Variants in APBA1 observed in about 807,000 individuals in gnomAD.
APBA1 encodes amyloid beta precursor protein binding family A member 1.
A neutral mutation model predicts 86.6 loss-of-function variants in APBA1; 55 were observed. The ratio of observed to expected loss-of-function variants is 0.64; its 90% CI spans 0.51 to 0.80. APBA1 has a LOEUF of 0.80. Among genes scored for constraint, APBA1 ranks in the 30% least tolerant of loss-of-function variants. APBA1 has a pLI of 0.00. For missense variants in APBA1, 1,090 were observed against 1,183.0 expected (o/e 0.92, Z 1.15); for synonymous variants, 511 against 493.9 (o/e 1.03, Z -0.46).
intron 1 of APBA1, among the ~76,000 whole-genome samples, chr9:69,534,277 C>T (rs1216161789): frequency 6.6e-6 from 1 of 152,116 alleles, no homozygotes; most frequent in Non-Finnish European, 1.5e-5. Flanking sequence ...TTGAAGCTCA[C>T]CCTTCACAAT....
intron 2 of APBA1, among the ~76,000 whole-genome samples, chr9:69,494,821 AACAGTCATAGTGACCATTT>A (rs1835770531): frequency 6.6e-6 from 1 of 152,166 alleles, no homozygotes; most frequent in Non-Finnish European, 1.5e-5. Context: ...ACCTGCTAAG[AACAGTCATAGTGACCATTT>A]ACAGAAGGCT....
chr9:69,519,556 TAATA>T (rs1359414944), intron 1 of APBA1, among the ~76,000 whole-genome samples: 2 of 152,238 alleles, frequency 1.3e-5, no homozygotes, highest in Non-Finnish European at 2.9e-5. Context: ...AATCTAATTC[TAATA>T]AACACAAAGT....
chr9:69,439,398 G>A (rs563836739), intron 11 of APBA1, among the ~76,000 whole-genome samples: 6,211 of 151,960 alleles, frequency 0.041, 170 homozygotes, highest in Non-Finnish European at 0.054. Context: ...CATTCTCCCC[G>A]TCACTTTCAG....
At chr9:69,558,561 C>CACATATAT (rs1554701130) in intron 1 of APBA1, among the ~76,000 whole-genome samples, 99 of 142,860 alleles carry the variant, frequency 6.9e-4, no homozygotes, top group African/African-American at 2.7e-3. Context: ...CACACACACA[C>CACATATAT]ATATATATAT....
chr9:69,563,381 G>A (rs759102174), intron 1 of APBA1, among the ~76,000 whole-genome samples: 15 of 152,048 alleles, frequency 9.9e-5, no homozygotes, highest in Admixed American at 8.5e-4. Context: ...CTTCTCTTCC[G>A]AAATGACTAC....
chr9:69,550,174 G>C (rs1836762497), intron 1 of APBA1, among the ~76,000 whole-genome samples: 1 of 152,098 alleles, frequency 6.6e-6, no homozygotes, highest in African/African-American at 2.4e-5. Context: ...CATTTATTTA[G>C]CTGTTTTATT....
chr9:69,469,833 T>C (rs1386485600), intron 4 of APBA1, among the ~76,000 whole-genome samples: 2 of 152,248 alleles, frequency 1.3e-5, no homozygotes, highest in Non-Finnish European at 2.9e-5. Flanking sequence ...ATAATCATTA[T>C]TGCCAACCAG....
intron 1 of APBA1, among the ~76,000 whole-genome samples, chr9:69,566,402 G>C (rs1837027304): frequency 6.6e-6 from 1 of 152,150 alleles, no homozygotes; most frequent in South Asian, 2.1e-4. Context: ...GTTTCTTGAA[G>C]GCATGTACTG....
intron 1 of APBA1, among the ~76,000 whole-genome samples, chr9:69,635,580 T>C (rs1823140418): frequency 6.6e-6 from 1 of 151,686 alleles, no homozygotes; most frequent in Non-Finnish European, 1.5e-5. Context: ...CAAGACCCAA[T>C]GATCTGTTGC....
chr9:69,523,782 A>T (rs2133898911), intron 1 of APBA1, among the ~76,000 whole-genome samples: 1 of 152,098 alleles, frequency 6.6e-6, no homozygotes, highest in East Asian at 1.9e-4. Flanking sequence ...CATTCTTCTC[A>T]ACTGCATGCA....
chr9:69,636,878 A>T, intron 1 of APBA1, among the ~76,000 whole-genome samples: 1 of 78,306 alleles, frequency 1.3e-5, no homozygotes, highest in Non-Finnish European at 2.9e-5. Context: ...AGAGAAAGAA[A>T]GAAGGAAGGA....
intron 1 of APBA1, among the ~76,000 whole-genome samples, chr9:69,627,842 A>G (rs190049738): frequency 6.6e-6 from 1 of 152,230 alleles, no homozygotes; most frequent in African/African-American, 2.4e-5. Flanking sequence ...GTCACCATTA[A>G]CTATATTAAA....
At chr9:69,660,922 G>A (rs1371207060) in intron 1 of APBA1, among the ~76,000 whole-genome samples, 3 of 152,212 alleles carry the variant, frequency 2.0e-5, no homozygotes, top group African/African-American at 7.2e-5. Flanking sequence ...AAAGCACTGT[G>A]AGAGTTTAGA....
rs1229884712 is a variant in APBA1, at chr9:69,441,023, C to G, written c.2274G>C (p.Gln758His). 4 of 1,614,034 alleles carry G rather than the reference C, an allele frequency of 2.5e-6. No individual in the cohort carries two copies. The highest frequency in any genetic ancestry group is 4.5e-5 in the East Asian group (2 of 44,878). Residue 758 changes from glutamine (Q) to histidine (H), a missense_variant, in exon 11 of 13, where the codon CAG becomes CAC. By Grantham distance (24) the Gln-to-His change is conservative. Coordinates refer to ENST00000265381, the MANE Select transcript of APBA1 (RefSeq NM_001163.4). ...TTCCATTCTGGACGCTGAAACCGAG[C>G]TGGTAGCGAAGGTCTGGTCTTCTGA... Reference protein sequence around the residue: ...VLIRRPDLRYQLGFSVQNGII... With the variant: ...VLIRRPDLRYHLGFSVQNGII...
chr9:69,672,615 C>T (rs907786359), upstream of APBA1: 3 of 151,050 alleles, frequency 2.0e-5, no homozygotes, highest in African/African-American at 4.8e-5. Context: ...AGCGCCCCTG[C>T]CCCGGCGCCG....
intron 1 of APBA1, among the ~76,000 whole-genome samples, chr9:69,635,851 C>A (rs563596281): frequency 4.6e-4 from 70 of 152,124 alleles, no homozygotes; most frequent in African/African-American, 1.6e-3. Context: ...ATTGGCTAGG[C>A]AAAAACTTCT....
intron 1 of APBA1, among the ~76,000 whole-genome samples, chr9:69,551,617 C>T (rs1457006805): frequency 1.3e-5 from 2 of 151,720 alleles, no homozygotes; most frequent in Admixed American, 6.6e-5. Context: ...ATTTCAGGAC[C>T]AATCTCTTTG....
intron 1 of APBA1, among the ~76,000 whole-genome samples, chr9:69,661,659 G>A (rs2134026732): frequency 6.6e-6 from 1 of 152,280 alleles, no homozygotes; most frequent in Admixed American, 6.5e-5. Context: ...GTATTGGGAG[G>A]TGCATGGGTC....
At chr9:69,654,903 T>C (rs752590192) in intron 1 of APBA1, among the ~76,000 whole-genome samples, 11 of 152,164 alleles carry the variant, frequency 7.2e-5, no homozygotes, top group Non-Finnish European at 1.0e-4. Context: ...TGGTTCAATA[T>C]AGGCAAATCA....
Sources: allele counts gnomAD v4.1 joint callset (sites outside exome capture counted in the v4.1 genomes callset), GRCh38; gene constraint gnomAD v4.1.1; transcripts MANE v1.5; gene names NCBI Gene and HGNC (gene_info 2026-07-23, HGNC 2026-07-21).